Variants in RBFOX1 observed in about 807,000 individuals in gnomAD.
RBFOX1 encodes the protein RNA binding fox-1 homolog 1.
A neutral mutation model predicts 57.7 loss-of-function variants in RBFOX1; 8 were observed. The ratio of observed to expected loss-of-function variants is 0.14; its 90% CI spans 0.08 to 0.25. The LOEUF is 0.25. Among genes scored for constraint, RBFOX1 ranks in the 10% least tolerant of loss-of-function variants. RBFOX1 has a pLI of 1.00. For missense variants in RBFOX1, 611 were observed against 548.5 expected, an observed-to-expected ratio of 1.11 and a Z score of -1.14; for synonymous variants, 326 against 222.4, an observed-to-expected ratio of 1.47 and a Z score of -4.15.
At chr16:7,496,913 C>A (rs1480433642) in intron 4 of RBFOX1, among the ~76,000 whole-genome samples, 2 of 152,122 alleles carry the variant, frequency 1.3e-5, no homozygotes, top group East Asian at 3.9e-4. Context: ...TCATTGGTAC[C>A]CATACAGATG....
chr16:6,695,433 A>G (rs1209057620), intron 3 of RBFOX1, among the ~76,000 whole-genome samples: 5 of 112,382 alleles, frequency 4.4e-5, no homozygotes, highest in Non-Finnish European at 9.8e-5. Flanking sequence ...AAAAAAAAAA[A>G]AAAAGGAAAG....
At chr16:5,558,450 C>T (rs1339845201) in intron 2 of RBFOX1, among the ~76,000 whole-genome samples, 2 of 152,180 alleles carry the variant, frequency 1.3e-5, no homozygotes, top group African/African-American at 4.8e-5. Context: ...GAGCCACAGC[C>T]CTGTCACACA....
intron 4 of RBFOX1, among the ~76,000 whole-genome samples, chr16:7,088,105 T>C (rs980631640): frequency 2.6e-5 from 4 of 152,126 alleles, no homozygotes; most frequent in African/African-American, 4.8e-5. Flanking sequence ...TTATTTTCAG[T>C]TGCAAAAAGG....
At chr16:7,157,728 C>A (rs886458623) in intron 4 of RBFOX1, among the ~76,000 whole-genome samples, 1 of 152,164 alleles carries the variant, frequency 6.6e-6, no homozygotes, top group African/African-American at 2.4e-5. Flanking sequence ...GTGGTCACTG[C>A]AGCTCTTCAC....
intron 1 of RBFOX1, among the ~76,000 whole-genome samples, chr16:6,168,973 G>T (rs1427889855): frequency 6.6e-6 from 1 of 152,104 alleles, no homozygotes; most frequent in South Asian, 2.1e-4. Flanking sequence ...TTGCCGTGGG[G>T]TGCTACAGCA....
chr16:6,253,008 T>C (rs1567780422), intron 1 of RBFOX1, among the ~76,000 whole-genome samples: 1 of 152,192 alleles, frequency 6.6e-6, no homozygotes, highest in Non-Finnish European at 1.5e-5. Context: ...TAGGAACTAT[T>C]ATAATCCACT....
intron 3 of RBFOX1, among the ~76,000 whole-genome samples, chr16:7,014,613 A>C (rs1474321146): frequency 6.6e-6 from 1 of 152,126 alleles, no homozygotes; most frequent in African/African-American, 2.4e-5. Flanking sequence ...TTGCAAAAAT[A>C]CATTTAAAAG....
At chr16:7,315,178 C>T (rs1304886913) in intron 4 of RBFOX1, among the ~76,000 whole-genome samples, 3 of 151,190 alleles carry the variant, frequency 2.0e-5, no homozygotes, top group African/African-American at 7.3e-5. Context: ...ATATTTCTTT[C>T]CCTATAGAAC....
At chr16:7,236,536 C>G (rs1156260589) in intron 4 of RBFOX1, among the ~76,000 whole-genome samples, 1 of 152,078 alleles carries the variant, frequency 6.6e-6, no homozygotes, top group Non-Finnish European at 1.5e-5. Flanking sequence ...TGGCATTTTC[C>G]CCATCTGTTT....
chr16:5,301,682 C>G (rs938074604), intron 1 of RBFOX1, among the ~76,000 whole-genome samples: 2 of 151,024 alleles, frequency 1.3e-5, no homozygotes, highest in Non-Finnish European at 2.9e-5. Flanking sequence ...AGAGCTCCAT[C>G]TCCTTAGCAA....
chr16:7,192,197 C>G lies in RBFOX1; in HGVS notation c.27+140099C>G, dbSNP rs74406177. 9.1e-4 allele frequency among the ~76,000 whole-genome samples: 139 copies of G among 152,342 alleles called. 2 individuals are homozygous for G. The East Asian group carries it at 0.025, about 28-fold the overall frequency. On this transcript the variant is annotated intron_variant, in intron 4 of 15. Transcript: ENST00000550418. ...GTTCTAGTTCTGATGCCAGATTTCTCAGAATCTCCTGTGTTTTACTGGCAT... is the reference window on the plus strand; with the variant it reads ...GTTCTAGTTCTGATGCCAGATTTCTGAGAATCTCCTGTGTTTTACTGGCAT...
At chr16:6,795,599 C>G (rs2083822425) in intron 3 of RBFOX1, among the ~76,000 whole-genome samples, 1 of 151,908 alleles carries the variant, frequency 6.6e-6, no homozygotes, top group Non-Finnish European at 1.5e-5. Flanking sequence ...AACCCTGTCT[C>G]TACTAAAAAT....
chr16:6,814,731 C>T (rs977808615), intron 3 of RBFOX1, among the ~76,000 whole-genome samples: 1 of 151,988 alleles, frequency 6.6e-6, no homozygotes. Context: ...AGTGAAAAGT[C>T]CTTCAGTCTG....
At chr16:7,272,970 TTTCCTTCC>T (rs1438869473) in intron 4 of RBFOX1, among the ~76,000 whole-genome samples, 1 of 114,498 alleles carries the variant, frequency 8.7e-6, no homozygotes, top group Non-Finnish European at 1.7e-5. Context: ...TCCTTCCTTC[TTTCCTTCC>T]GTCCCTCCCT....
At chr16:6,945,350 A>G (rs1192549543) in intron 3 of RBFOX1, among the ~76,000 whole-genome samples, 1 of 152,174 alleles carries the variant, frequency 6.6e-6, no homozygotes, top group Non-Finnish European at 1.5e-5. Flanking sequence ...AGTTAATGTT[A>G]TCAGTCAAAC....
chr16:7,664,421 T>G (rs2068636354), intron 12 of RBFOX1, among the ~76,000 whole-genome samples: 1 of 152,214 alleles, frequency 6.6e-6, no homozygotes, highest in African/African-American at 2.4e-5. Context: ...AGAAAATTTT[T>G]GAAACCATAT....
intron 3 of RBFOX1, among the ~76,000 whole-genome samples, chr16:5,853,805 G>T (rs2056956991): frequency 6.6e-6 from 1 of 152,078 alleles, no homozygotes; most frequent in South Asian, 2.1e-4. Flanking sequence ...ACCCAGGCTG[G>T]AGTATAGCGG....
In RBFOX1 at chr16:6,557,018, T is replaced by TATATATACATATATACACATATATATAC. The variant is rs1567671691; in HGVS notation, c.-63-97577_-63-97550dup. On this transcript the variant is annotated intron_variant, in intron 2 of 15. Transcript: ENST00000550418. ...ATACATATATATACATATATATACA[T>TATATATACATATATACACATATATATAC]ATATATACATATATACACATATATA... is the stretch of plus-strand genomic sequence containing the variant. Among the ~76,000 whole-genome samples the TATATATACATATATACACATATATATAC allele has an allele frequency of 8.0e-5, 10 of 125,674 alleles. No homozygotes were observed. The East Asian group carries it at 2.0e-3, about 25-fold the overall frequency. 82.4% of individuals were successfully genotyped at this position (125,674 alleles called of 152,430 possible). A position where few individuals can be genotyped will look rare whatever the true frequency, so the allele number is the denominator to read the frequency against.
chr16:5,575,714 C>A (rs936130723), intron 2 of RBFOX1, among the ~76,000 whole-genome samples: 1 of 152,184 alleles, frequency 6.6e-6, no homozygotes, highest in Admixed American at 6.5e-5. Flanking sequence ...CTTGCTTGAT[C>A]TAATTGGGCT....
Sources: allele counts gnomAD v4.1 joint callset (sites outside exome capture counted in the v4.1 genomes callset), GRCh38; gene constraint gnomAD v4.1.1; transcripts MANE v1.5; gene names NCBI Gene and HGNC (gene_info 2026-07-23, HGNC 2026-07-21).